RBM39: variants seen among roughly 807,000 people sequenced by gnomAD.
RBM39 encodes RNA-binding protein 39.
A neutral mutation model predicts 79.6 loss-of-function variants in RBM39; 12 were observed. The ratio of observed to expected loss-of-function variants is 0.15; its 90% CI spans 0.10 to 0.24. The LOEUF is 0.24. Ranked by LOEUF, RBM39 falls within the 10% of genes least tolerant of loss-of-function variation. The pLI, the probability that RBM39 is intolerant of heterozygous loss-of-function variation, is 1.00. For missense variants in RBM39, 243 were observed against 653.4 expected (o/e 0.37, Z 6.85); for synonymous variants, 185 against 208.4 (o/e 0.89, Z 0.97).
At chr20:35,715,431 C>T (rs1453117129) in intron 10 of RBM39, among the ~76,000 whole-genome samples, 1 of 152,136 alleles carries the variant, frequency 6.6e-6, no homozygotes, top group Non-Finnish European at 1.5e-5. Context: ...CGCTCTCAGC[C>T]TCCCAAAGTG....
chr20:35,738,764 T>G (rs2040239383), intron 3 of RBM39, among the ~76,000 whole-genome samples: 2 of 152,210 alleles, frequency 1.3e-5, no homozygotes, highest in Non-Finnish European at 2.9e-5. Context: ...GGAAGGTATC[T>G]GAAACTATAT....
intron 11 of RBM39, 39 bp downstream of exon 11, chr20:35,714,146 A>G (rs1197260144): frequency 6.3e-7 from 1 of 1,586,584 alleles, no homozygotes; most frequent in Admixed American, 1.7e-5. Flanking sequence ...CCACTACAAT[A>G]CCCACAGTAA....
At chr20:35,708,456 G>A (rs2036013279) in intron 13 of RBM39, among the ~76,000 whole-genome samples, 1 of 152,086 alleles carries the variant, frequency 6.6e-6, no homozygotes, top group Non-Finnish European at 1.5e-5. Context: ...GATCAATGCA[G>A]AACACAGTAA....
chr20:35,704,504 G>A lies in RBM39; in HGVS notation c.1570C>T (p.Leu524=). The A allele has an allele frequency of 6.2e-7, 1 of 1,611,464 alleles. No homozygotes were observed. Among genetic ancestry groups the A allele is most frequent in the African/African-American group, 1.3e-5 (1 of 74,974 alleles). Residue 524 remains leucine, a synonymous_variant, in exon 17 of 17, where the codon CTA becomes TTA. Coordinates refer to ENST00000253363, the MANE Select transcript of RBM39 (RefSeq NM_184234.3). ...CTTCATCGTCTACTTGGAACCAGTA[G>A]CTGTGTTGCTGTCATAGAATCAGGA... ...LFPDSMTATQ[L]LVPSRR
intron 10 of RBM39, among the ~76,000 whole-genome samples, chr20:35,715,798 C>G (rs936821797): frequency 8.1e-4 from 123 of 152,244 alleles, no homozygotes; most frequent in African/African-American, 2.9e-3. Flanking sequence ...CAAGGCAGAT[C>G]CCTCATGAAT....
intron 2 of RBM39, chr20:35,740,617 G>A: frequency 1.4e-6 from 2 of 1,447,480 alleles, no homozygotes; most frequent in Non-Finnish European, 1.9e-6. Flanking sequence ...GAGATAGATG[G>A]GCATTTATTC....
rs200442642 is a variant in RBM39, at chr20:35,704,661, A to G, written c.1492+7T>C. The stretch of plus-strand genomic sequence containing the variant: ...AACAATCAGTCAAAAAATAAATTCA[A>G]ACTCACCAGCAAACCACCTGCCATG... On this transcript the variant is annotated splice_region_variant and intron_variant, in intron 16 of 16. Coordinates refer to ENST00000253363, the MANE Select transcript of RBM39 (RefSeq NM_184234.3). 1.9e-6 allele frequency: 3 copies of G among 1,613,784 alleles called. No homozygotes were observed. Among genetic ancestry groups the G allele is most frequent in the East Asian group, 2.2e-5 (1 of 44,880 alleles).
intron 9 of RBM39, among the ~76,000 whole-genome samples, chr20:35,719,537 C>G (rs1160030182): frequency 2.0e-5 from 3 of 151,648 alleles, no homozygotes; most frequent in African/African-American, 7.3e-5. Context: ...ATTAGCTGGG[C>G]GTTGTGGTCA....
intron 13 of RBM39, chr20:35,707,554 G>A (rs965768668): frequency 1.1e-5 from 2 of 189,368 alleles, no homozygotes; most frequent in Non-Finnish European, 2.2e-5. Context: ...CCAAATAAGA[G>A]GGGATAATAA....
At chr20:35,723,775 C>A (rs912367481) in intron 8 of RBM39, among the ~76,000 whole-genome samples, 2 of 152,190 alleles carry the variant, frequency 1.3e-5, no homozygotes, top group Non-Finnish European at 2.9e-5. Flanking sequence ...AAGCGCTGTG[C>A]GGCTCAAGTG....
In RBM39 at chr20:35,713,080, A is replaced by C; in HGVS notation, c.1113T>G (p.Ile371Met). Reference sequence around the variant, plus strand: ...GTAGAGCTTGCTGTGCTGCTGGCGGAATCTGCAAACCTGTACCTGTAAAAG... The same window carrying C: ...GTAGAGCTTGCTGTGCTGCTGGCGGCATCTGCAAACCTGTACCTGTAAAAG... ...ARLAEGTGLQ[I>M]PPAAQQALQM... is the part of the protein sequence containing the mutation. The change falls in exon 12 of 17, where the codon ATT becomes ATG. Residue 371 changes from isoleucine to methionine, a missense_variant. Coordinates refer to ENST00000253363, the MANE Select transcript of RBM39 (RefSeq NM_184234.3). 6.2e-7 allele frequency: 1 copy of C among 1,613,780 alleles called. No individual in the cohort carries two copies. The highest frequency in any genetic ancestry group is 8.5e-7 in the Non-Finnish European group (1 of 1,179,782).
chr20:35,737,648 G>C (rs1400157187), intron 3 of RBM39, among the ~76,000 whole-genome samples: 1 of 146,962 alleles, frequency 6.8e-6, no homozygotes, highest in Non-Finnish European at 1.5e-5. Flanking sequence ...GGATCACAAG[G>C]TCAATTCTGG....
At chr20:35,738,198 G>A (rs1466158295) in intron 3 of RBM39, among the ~76,000 whole-genome samples, 2 of 151,894 alleles carry the variant, frequency 1.3e-5, no homozygotes, top group Non-Finnish European at 2.9e-5. Context: ...AACCCAGGAG[G>A]CGGAGGTTGC....
intron 9 of RBM39, among the ~76,000 whole-genome samples, chr20:35,721,534 T>A (rs1333502541): frequency 6.6e-6 from 1 of 152,234 alleles, no homozygotes; most frequent in Non-Finnish European, 1.5e-5. Flanking sequence ...GCATTTCACA[T>A]GGCATTATGA....
intron 11 of RBM39, 189 bp from the exon 12 acceptor site, chr20:35,713,285 G>C (rs1164222702): frequency 4.2e-6 from 2 of 480,898 alleles, no homozygotes; most frequent in Admixed American, 3.8e-5. Flanking sequence ...CCCAGAGATC[G>C]AGACCAACCT....
At chr20:35,716,670 C>T in intron 10 of RBM39, 70 bp downstream of exon 10, 1 of 958,062 alleles carries the variant, frequency 1.0e-6, no homozygotes, top group Non-Finnish European at 1.6e-6. Context: ...AGAGACTAAT[C>T]TGAGCAACAC....
intron 9 of RBM39, 70 bp from the exon 10 acceptor site, chr20:35,716,875 G>A: frequency 9.4e-7 from 1 of 1,065,872 alleles, no homozygotes; most frequent in Non-Finnish European, 1.4e-6. Context: ...CCTGAGACAT[G>A]GTTTTAAAAA....
At chr20:35,722,098 G>T (rs1273468508) in intron 8 of RBM39, among the ~76,000 whole-genome samples, 1 of 152,074 alleles carries the variant, frequency 6.6e-6, no homozygotes, top group African/African-American at 2.4e-5. Flanking sequence ...GGAAATTAGG[G>T]AGTTACAGCT....
At chr20:35,732,182 C>T (rs766415260) in intron 3 of RBM39, 47 bp from the exon 4 acceptor site, 1 of 1,510,242 alleles carries the variant, frequency 6.6e-7, no homozygotes, top group Non-Finnish European at 9.2e-7. Flanking sequence ...TAAGAACCCA[C>T]CAAAATATAC....
Sources: allele counts gnomAD v4.1 joint callset (sites outside exome capture counted in the v4.1 genomes callset), GRCh38; gene constraint gnomAD v4.1.1; transcripts MANE v1.5; gene names NCBI Gene and HGNC (gene_info 2026-07-23, HGNC 2026-07-21).